KHDRBS2: variants seen among roughly 807,000 people sequenced by gnomAD.
KHDRBS2 encodes the protein KH RNA binding domain containing, signal transduction associated 2.
A neutral mutation model predicts 44.3 loss-of-function variants in KHDRBS2; 26 were observed. That is an observed-to-expected ratio of 0.59 (90% CI 0.43 to 0.81). The LOEUF is 0.81. Ranked by LOEUF, KHDRBS2 falls within the 40% of genes least tolerant of loss-of-function variation. The pLI is 0.00. For missense variants in KHDRBS2, 476 were observed against 433.1 expected (o/e 1.10, Z -0.88); for synonymous variants, 194 against 151.1 (o/e 1.28, Z -2.08).
chr6:61,962,886 A>G (rs1769063143), intron 4 of KHDRBS2, among the ~76,000 whole-genome samples: 1 of 152,124 alleles, frequency 6.6e-6, no homozygotes, highest in African/African-American at 2.4e-5. Flanking sequence ...CAGTTAATAA[A>G]AAGGGAAACA....
rs549709266 is a variant in KHDRBS2 at position 61,773,694 on chromosome 6, T to C, written c.811-40930A>G. On this transcript the variant is annotated intron_variant, in intron 6 of 8. Transcript: ENST00000281156. ...TGGCTTTTGTTGCCATTGCTTTTGG[T>C]GTTGTAGACATGAAGTCCTTGCCCA... Among the ~76,000 whole-genome samples the C allele has an allele frequency of 9.5e-4, 144 of 151,782 alleles. 1 individual carries two copies. The highest frequency in any genetic ancestry group is 3.3e-3 in the African/African-American group (136 of 41,292).
chr6:61,856,580 G>T (rs567917839), intron 6 of KHDRBS2, among the ~76,000 whole-genome samples: 1 of 151,640 alleles, frequency 6.6e-6, no homozygotes, highest in South Asian at 2.1e-4. Flanking sequence ...GAATTGTGAA[G>T]TATTTCTTAT....
the KHDRBS2 span, chr6:61,659,272 T>A: frequency 6.6e-6 from 1 of 151,808 alleles, no homozygotes; most frequent in African/African-American, 2.4e-5. Context: ...AGTCCCTTTG[T>A]CCCCAAGAAT....
At chr6:61,709,549 T>TAAAC (rs1214082385) in intron 7 of KHDRBS2, among the ~76,000 whole-genome samples, 1 of 151,756 alleles carries the variant, frequency 6.6e-6, no homozygotes, top group Non-Finnish European at 1.5e-5. Flanking sequence ...TCTCCCTTTA[T>TAAAC]AAACACTCTT....
Position 61,723,123 on chromosome 6 carries a change from C to T in KHDRBS2, c.893+9559G>A, listed in dbSNP as rs1308038487. ...GTCTGAAGCAGACCCAAGCAAACCA[C>T]AGCAGGACTATAGACAAGTGGCCTG... is the stretch of plus-strand genomic sequence containing the variant. On this transcript the variant is annotated intron_variant, in intron 7 of 8. Transcript: ENST00000281156. Among the ~76,000 whole-genome samples, 5 of 151,804 alleles carry T rather than the reference C, an allele frequency of 3.3e-5. No individual in the cohort carries two copies. The East Asian group carries it at 9.7e-4, about 29-fold the overall frequency.
At chr6:62,185,933 C>A (rs142034489) in intron 1 of KHDRBS2, among the ~76,000 whole-genome samples, 2,229 of 152,048 alleles carry the variant, frequency 0.015, 20 homozygotes, top group Non-Finnish European at 0.02. Context: ...TAAGATAAGA[C>A]CACAACCTAA....
At position 62,147,410 on chromosome 6, in the gene KHDRBS2, G is replaced by A. The variant is rs116241696; in HGVS notation, c.219+29775C>T. On this transcript the variant is annotated intron_variant, in intron 2 of 8. Coordinates refer to ENST00000281156, the MANE Select transcript of KHDRBS2 (RefSeq NM_152688.4). ...TTACATTATTAATATCTTTTAAAGA[G>A]ACAGAGAAAGAGAAAACATACCACT... Among the ~76,000 whole-genome samples the A allele has an allele frequency of 8.4e-3, 1,283 of 151,950 alleles. 18 individuals carry two copies. Among genetic ancestry groups the A allele is most frequent in the African/African-American group, 0.029 (1,213 of 41,498 alleles).
chr6:61,940,488 T>C (rs1811931677), intron 4 of KHDRBS2, among the ~76,000 whole-genome samples: 1 of 152,150 alleles, frequency 6.6e-6, no homozygotes, highest in African/African-American at 2.4e-5. Flanking sequence ...TGGAGGGTGG[T>C]TGTGCTGGGT....
chr6:62,138,070 G>C lies in KHDRBS2; in HGVS notation c.219+39115C>G, dbSNP rs1811956695. Among the ~76,000 whole-genome samples, 3 of 152,220 alleles carry C rather than the reference G, an allele frequency of 2.0e-5. No individual in the cohort carries two copies. The South Asian group carries it at 6.2e-4, about 32-fold the overall frequency. ...GCTGAAGGATTTTAACTGACGTGTG[G>C]GCTGACTCTGCCACAGAAGCACAAC... On this transcript the variant is annotated intron_variant, in intron 2 of 8. Transcript: ENST00000281156.
chr6:62,238,336 A>G (rs62414793), intron 1 of KHDRBS2, among the ~76,000 whole-genome samples: 8,364 of 152,174 alleles, frequency 0.055, 275 homozygotes, highest in Admixed American at 0.075. Flanking sequence ...TGTGTCTTAT[A>G]TGAGTACATT....
At chr6:61,691,661 A>G (rs1767398838) in intron 8 of KHDRBS2, among the ~76,000 whole-genome samples, 2 of 152,116 alleles carry the variant, frequency 1.3e-5, no homozygotes, top group Admixed American at 6.6e-5. Flanking sequence ...TCCCAAATTT[A>G]TATTCTATTT....
At chr6:61,550,903 C>CT in the KHDRBS2 span, among the ~76,000 whole-genome samples, 1 of 151,624 alleles carries the variant, frequency 6.6e-6, no homozygotes, top group Non-Finnish European at 1.5e-5. Context: ...TCCCAAGTAG[C>CT]TGGGACTACA....
intron 6 of KHDRBS2, among the ~76,000 whole-genome samples, chr6:61,761,892 T>G (rs1779323798): frequency 6.6e-6 from 1 of 152,172 alleles, no homozygotes; most frequent in African/African-American, 2.4e-5. Context: ...TAAAAAATCA[T>G]TTTCTGTAAT....
intron 7 of KHDRBS2, among the ~76,000 whole-genome samples, chr6:61,712,679 A>G (rs1479215906): frequency 6.6e-6 from 1 of 151,892 alleles, no homozygotes; most frequent in Non-Finnish European, 1.5e-5. Flanking sequence ...ACATGAGGAT[A>G]AAATTATCTA....
At chr6:61,996,909 A>T (rs1777298898) in intron 3 of KHDRBS2, among the ~76,000 whole-genome samples, 1 of 149,778 alleles carries the variant, frequency 6.7e-6, no homozygotes, top group Non-Finnish European at 1.5e-5. Flanking sequence ...CAGCCTCTGG[A>T]GTAGCTGTGA....
chr6:62,260,115 T>C (rs1053974829), intron 1 of KHDRBS2, among the ~76,000 whole-genome samples: 2 of 151,988 alleles, frequency 1.3e-5, no homozygotes, highest in African/African-American at 2.4e-5. Context: ...TGCATGGACC[T>C]TGGCTCTGTC....
chr6:61,961,658 A>G (rs900678832), intron 4 of KHDRBS2, among the ~76,000 whole-genome samples: 1 of 152,130 alleles, frequency 6.6e-6, no homozygotes. Context: ...GGGTTCGCTC[A>G]AAGACCCTAA....
intron 2 of KHDRBS2, among the ~76,000 whole-genome samples, chr6:62,090,232 A>G (rs560333439): frequency 9.0e-4 from 137 of 152,344 alleles, no homozygotes; most frequent in African/African-American, 3.2e-3. Flanking sequence ...ACCATACTAA[A>G]GGAATTGGTC....
At chr6:61,753,765 C>T (rs1171860348) in intron 6 of KHDRBS2, among the ~76,000 whole-genome samples, 1 of 152,104 alleles carries the variant, frequency 6.6e-6, no homozygotes, top group African/African-American at 2.4e-5. Flanking sequence ...GTTATGTCCA[C>T]ATCCCCATCC....
Sources: gnomAD v4.1 joint callset for allele counts (sites outside exome capture counted in the v4.1 genomes callset) on GRCh38, gnomAD v4.1.1 for gene constraint, MANE v1.5 for transcripts, NCBI Gene and HGNC (gene_info 2026-07-23, HGNC 2026-07-21) for gene names.